The following DOCK3 variants were observed in gnomAD, a reference collection of about 807,000 sequenced individuals.
The protein encoded by DOCK3 is dedicator of cytokinesis protein 3.
A neutral mutation model predicts 265.6 loss-of-function variants in DOCK3; 60 were observed. The ratio of observed to expected loss-of-function variants is 0.23; its 90% CI spans 0.18 to 0.28. The LOEUF is 0.28. DOCK3 is among the 10% of genes least tolerant of loss of function. DOCK3 has a pLI of 1.00. For missense variants in DOCK3, 1,981 were observed against 2,594.3 expected, an observed-to-expected ratio of 0.76 and a Z score of 5.14; for synonymous variants, 881 against 938.0, an observed-to-expected ratio of 0.94 and a Z score of 1.11.
chr3:51,131,285 A>G (rs751391111), intron 9 of DOCK3, among the ~76,000 whole-genome samples: 16 of 152,120 alleles, frequency 1.1e-4, no homozygotes, highest in Non-Finnish European at 1.8e-4. Flanking sequence ...CCACAATGAC[A>G]TTTTGGGTCC....
chr3:51,356,610 C>A, intron 43 of DOCK3, 117 bp downstream of exon 43: 1 of 1,004,048 alleles, frequency 1.0e-6, no homozygotes, highest in Non-Finnish European at 1.5e-6. Flanking sequence ...CTGGCCAAGG[C>A]TCCCACAGGT....
At chr3:50,692,544 C>T (rs1025062028) in intron 1 of DOCK3, among the ~76,000 whole-genome samples, 11 of 152,174 alleles carry the variant, frequency 7.2e-5, no homozygotes, top group Admixed American at 5.2e-4. Flanking sequence ...TGTGCTTTTG[C>T]GGCTTGGTTC....
chr3:50,817,504 G>A (rs1467078441), intron 2 of DOCK3, among the ~76,000 whole-genome samples: 6 of 151,340 alleles, frequency 4.0e-5, no homozygotes, highest in Non-Finnish European at 5.9e-5. Flanking sequence ...CCTGTGTTGC[G>A]CAGGCTAGTC....
At chr3:50,923,840 C>T (rs1429067301) in intron 4 of DOCK3, among the ~76,000 whole-genome samples, 1 of 152,144 alleles carries the variant, frequency 6.6e-6, no homozygotes, top group Non-Finnish European at 1.5e-5. Flanking sequence ...ATGCTGTAGT[C>T]TTCCACTAAT....
chr3:50,732,314 A>T (rs1221085583), intron 1 of DOCK3, among the ~76,000 whole-genome samples: 1 of 152,084 alleles, frequency 6.6e-6, no homozygotes, highest in African/African-American at 2.4e-5. Context: ...TGCTGGACTT[A>T]ATACCTAGGT....
At chr3:50,754,747 T>C (rs2040053199) in intron 1 of DOCK3, among the ~76,000 whole-genome samples, 1 of 151,720 alleles carries the variant, frequency 6.6e-6, no homozygotes, top group Admixed American at 6.6e-5. Flanking sequence ...TTTGTAGAGA[T>C]GGGGTTTCAC....
At chr3:51,136,811 T>A (rs2084828126) in intron 9 of DOCK3, among the ~76,000 whole-genome samples, 1 of 152,162 alleles carries the variant, frequency 6.6e-6, no homozygotes, top group East Asian at 1.9e-4. Flanking sequence ...GAACTGGTGG[T>A]CAGAGTGGAG....
intron 32 of DOCK3, among the ~76,000 whole-genome samples, chr3:51,325,353 C>T (rs1046768451): frequency 2.6e-5 from 4 of 152,032 alleles, no homozygotes; most frequent in Non-Finnish European, 4.4e-5. Flanking sequence ...AAATCAAAAC[C>T]GCGATGAGAT....
At position 51,374,243 on chromosome 3, in the gene DOCK3, A is replaced by G. The variant is rs1415177147; in HGVS notation, c.5294-226A>G. On this transcript the variant is annotated intron_variant, in intron 49 of 52. Transcript: ENST00000266037. The surrounding 1 kb of genome is among the most constrained non-coding windows in gnomAD (Gnocchi z 4.8). ...GTGGGGACTCTGTCAGCGGATCTGC[A>G]TCTCACCAGCCTGCTGTATGTCAGC... 6.6e-6 allele frequency among the ~76,000 whole-genome samples: 1 copy of G among 152,186 alleles called. No homozygotes were observed. Among genetic ancestry groups the G allele is most frequent in the African/African-American group, 2.4e-5 (1 of 41,442 alleles).
intron 39 of DOCK3, among the ~76,000 whole-genome samples, chr3:51,349,515 A>T (rs1257382350): frequency 6.6e-6 from 1 of 152,010 alleles, no homozygotes; most frequent in Admixed American, 6.6e-5. Flanking sequence ...TTTGTGGCTA[A>T]CTCTCCTGTT....
intron 2 of DOCK3, among the ~76,000 whole-genome samples, chr3:50,802,046 A>G (rs989226480): frequency 9.2e-5 from 14 of 152,182 alleles, no homozygotes; most frequent in Non-Finnish European, 1.0e-4. Context: ...TGCATGGAAT[A>G]TCTTTTTTAT....
At chr3:50,716,869 C>A (rs947640883) in intron 1 of DOCK3, among the ~76,000 whole-genome samples, 15 of 151,940 alleles carry the variant, frequency 9.9e-5, no homozygotes, top group Admixed American at 1.3e-4. Context: ...CTTCCCTTGC[C>A]CATTCAGTTC....
At chr3:51,175,719 CAGGGGT>C (rs1259989690) in intron 12 of DOCK3, among the ~76,000 whole-genome samples, 1 of 152,124 alleles carries the variant, frequency 6.6e-6, no homozygotes, top group African/African-American at 2.4e-5. Context: ...GGTATGCTTC[CAGGGGT>C]ATAGATGGGA....
intron 1 of DOCK3, among the ~76,000 whole-genome samples, chr3:50,716,131 A>G (rs2037090948): frequency 6.6e-6 from 1 of 151,840 alleles, no homozygotes; most frequent in South Asian, 2.1e-4. Context: ...CCTCTTTCAA[A>G]ATGAGTACAG....
chr3:50,748,273 C>T (rs2039579127), intron 1 of DOCK3, among the ~76,000 whole-genome samples: 1 of 152,106 alleles, frequency 6.6e-6, no homozygotes, highest in African/African-American at 2.4e-5. Context: ...TCCCAAGGTG[C>T]TGGGATTGCA....
chr3:51,014,057 C>T (rs536802805), intron 5 of DOCK3, among the ~76,000 whole-genome samples: 21 of 152,290 alleles, frequency 1.4e-4, no homozygotes, highest in South Asian at 4.1e-4. Flanking sequence ...CCGATTTTCC[C>T]GGTACAGTCT....
Position 51,009,769 on chromosome 3 carries a change from C to T in DOCK3, c.316-54679C>T, listed in dbSNP as rs1575745585. 2.0e-5 allele frequency among the ~76,000 whole-genome samples: 3 copies of T among 152,222 alleles called. No homozygotes were observed. In the East Asian group the frequency reaches 5.8e-4, roughly 29 times the overall value. ...TGTGGGCATTTAGTGCTATAAATTT[C>T]CCTCTACACACTGCTTTAAATGTGT... On this transcript the variant is annotated intron_variant, in intron 5 of 52. Coordinates refer to ENST00000266037, the MANE Select transcript of DOCK3 (RefSeq NM_004947.5).
At chr3:50,797,549 C>T (rs2042855766) in intron 2 of DOCK3, among the ~76,000 whole-genome samples, 1 of 152,214 alleles carries the variant, frequency 6.6e-6, no homozygotes, top group African/African-American at 2.4e-5. Flanking sequence ...AGAGGCTTCT[C>T]TGCTTCTGTG....
At position 51,313,002 on chromosome 3, in the gene DOCK3, A is replaced by G. The variant is rs912059755; in HGVS notation, c.3253+100A>G. 8 of 1,104,002 alleles carry G rather than the reference A, an allele frequency of 7.2e-6. No homozygotes were observed. The African/African-American group carries it at 9.3e-5, about 13-fold the overall frequency. The allele number at this position is 1,104,002 out of a possible 1,614,324, so 68.4% of individuals were successfully genotyped here. ...TCCCAGGCTTTATGAATGTTAATTCAGGCCCAAGAGATCCTTACATATCTT... is the reference window on the plus strand; with the variant it reads ...TCCCAGGCTTTATGAATGTTAATTCGGGCCCAAGAGATCCTTACATATCTT... On this transcript the variant is annotated intron_variant, in intron 31 of 52. Coordinates refer to ENST00000266037, the MANE Select transcript of DOCK3 (RefSeq NM_004947.5).
Sources: gnomAD v4.1 joint callset for allele counts (sites outside exome capture counted in the v4.1 genomes callset) on GRCh38, gnomAD v4.1.1 for gene constraint, Gnocchi (gnomAD v3.1) non-coding constraint, MANE v1.5 for transcripts, NCBI Gene and HGNC (gene_info 2026-07-23, HGNC 2026-07-21) for gene names.